GNAQ: variants seen among roughly 807,000 people sequenced by gnomAD.
GNAQ encodes the protein G protein subunit alpha q, also known as guanine nucleotide-binding protein G(q) subunit alpha.
GNAQ carries 8 observed loss-of-function variants against 43.9 expected under a neutral mutation model. The ratio of observed to expected loss-of-function variants is 0.18; its 90% CI spans 0.11 to 0.33. GNAQ has a LOEUF of 0.33. Ranked by LOEUF, GNAQ falls within the 10% of genes least tolerant of loss-of-function variation. GNAQ has a pLI of 1.00. For missense variants in GNAQ, 158 were observed against 450.8 expected, an observed-to-expected ratio of 0.35 and a Z score of 5.88; for synonymous variants, 155 against 170.7, an observed-to-expected ratio of 0.91 and a Z score of 0.71.
intron 2 of GNAQ, among the ~76,000 whole-genome samples, chr9:77,880,259 T>G (rs1274578796): frequency 1.3e-5 from 2 of 152,188 alleles, no homozygotes; most frequent in Non-Finnish European, 2.9e-5. Context: ...GTCTGATTCT[T>G]TAGTGTTTAG....
chr9:77,728,761 T>G (rs1825440338), intron 5 of GNAQ, 94 bp from the exon 6 acceptor site: 1 of 841,292 alleles, frequency 1.2e-6, no homozygotes, highest in South Asian at 1.6e-5. Context: ...CAACCCATCT[T>G]TTGTATACGA....
intron 2 of GNAQ, among the ~76,000 whole-genome samples, chr9:77,891,087 A>C (rs2118108145): frequency 6.6e-6 from 1 of 152,356 alleles, no homozygotes; most frequent in Non-Finnish European, 1.5e-5. Flanking sequence ...CTAATTCATT[A>C]ACATAATATT....
At chr9:77,815,808 A>C (rs1046974194) in intron 2 of GNAQ, 38 bp from the exon 3 acceptor site, 2 of 1,498,654 alleles carry the variant, frequency 1.3e-6, no homozygotes, top group Non-Finnish European at 1.8e-6. Flanking sequence ...ATACCCTATT[A>C]CTTTCCAAAT....
At chr9:77,726,089 G>C (rs1230460460) in intron 6 of GNAQ, among the ~76,000 whole-genome samples, 2 of 152,154 alleles carry the variant, frequency 1.3e-5, no homozygotes, top group African/African-American at 2.4e-5. Flanking sequence ...TATTCAGGTA[G>C]ATGTGTTTGA....
chr9:78,018,978 T>A lies in GNAQ; in HGVS notation c.136+12122A>T, dbSNP rs538861492. 2.6e-5 allele frequency among the ~76,000 whole-genome samples: 4 copies of A among 152,240 alleles called. No homozygotes were observed. In the South Asian group the frequency reaches 8.3e-4, roughly 32 times the overall value. Reference sequence around the variant, plus strand: ...CATCCTCCCACCCGCTGCAGAAGAATCTGTTCTCATAACAAGCATGGCCTA... The same window carrying A: ...CATCCTCCCACCCGCTGCAGAAGAAACTGTTCTCATAACAAGCATGGCCTA... On this transcript the variant is annotated intron_variant, in intron 1 of 6. Coordinates refer to ENST00000286548, the MANE Select transcript of GNAQ (RefSeq NM_002072.5).
chr9:77,895,704 C>T (rs1828489127), intron 2 of GNAQ, among the ~76,000 whole-genome samples: 1 of 152,174 alleles, frequency 6.6e-6, no homozygotes, highest in Admixed American at 6.5e-5. Context: ...ACTCAAATCT[C>T]ATCTTGTAGA....
At chr9:77,861,578 A>C (rs555998943) in intron 2 of GNAQ, among the ~76,000 whole-genome samples, 41 of 152,270 alleles carry the variant, frequency 2.7e-4, no homozygotes, top group African/African-American at 9.9e-4. Flanking sequence ...AGCCATTCCA[A>C]ATGGGAGAAA....
chr9:77,890,458 T>C (rs996708598), intron 2 of GNAQ, among the ~76,000 whole-genome samples: 1 of 152,230 alleles, frequency 6.6e-6, no homozygotes, highest in African/African-American at 2.4e-5. Flanking sequence ...GCACAGTGGC[T>C]CATGCCTGTA....
chr9:77,987,713 G>A (rs1823459595), intron 1 of GNAQ, among the ~76,000 whole-genome samples: 1 of 151,996 alleles, frequency 6.6e-6, no homozygotes, highest in Admixed American at 6.6e-5. Context: ...TCTAGTATTC[G>A]GAAAATAAAT....
At chr9:77,805,625 C>T (rs1037737906) in intron 3 of GNAQ, among the ~76,000 whole-genome samples, 1 of 151,964 alleles carries the variant, frequency 6.6e-6, no homozygotes, top group Non-Finnish European at 1.5e-5. Context: ...AGGCTGGTCT[C>T]GAACTCCTGA....
intron 2 of GNAQ, among the ~76,000 whole-genome samples, chr9:77,850,983 T>C (rs1672328409): frequency 6.6e-6 from 1 of 152,148 alleles, no homozygotes; most frequent in South Asian, 2.1e-4. Flanking sequence ...TTCCCAGCTC[T>C]TACTAAAGTG....
At chr9:77,777,215 T>A (rs1826317565) in intron 5 of GNAQ, among the ~76,000 whole-genome samples, 1 of 152,108 alleles carries the variant, frequency 6.6e-6, no homozygotes, top group African/African-American at 2.4e-5. Flanking sequence ...TCTTATACCA[T>A]ATAAAGATGG....
intron 1 of GNAQ, among the ~76,000 whole-genome samples, chr9:77,930,535 T>C (rs973394248): frequency 3.3e-5 from 5 of 152,204 alleles, no homozygotes; most frequent in Non-Finnish European, 5.9e-5. Flanking sequence ...CCTTTAGTGA[T>C]TTCTTTCATT....
At chr9:77,745,861 A>C (rs1463322620) in intron 5 of GNAQ, among the ~76,000 whole-genome samples, 1 of 152,128 alleles carries the variant, frequency 6.6e-6, no homozygotes, top group Non-Finnish European at 1.5e-5. Context: ...ATGAATACTA[A>C]ATGAGCATTT....
chr9:77,870,286 G>A (rs1261960216), intron 2 of GNAQ, among the ~76,000 whole-genome samples: 1 of 148,904 alleles, frequency 6.7e-6, no homozygotes, highest in Non-Finnish European at 1.5e-5. Context: ...GAAGCAGTTT[G>A]AAACCTCAAG....
intron 2 of GNAQ, among the ~76,000 whole-genome samples, chr9:77,882,228 C>A (rs934095529): frequency 2.0e-5 from 3 of 152,012 alleles, no homozygotes; most frequent in Non-Finnish European, 2.9e-5. Flanking sequence ...ACCAGAAGAC[C>A]CTGCTGATAT....
At chr9:77,845,485 T>C (rs890700994) in intron 2 of GNAQ, among the ~76,000 whole-genome samples, 1 of 152,206 alleles carries the variant, frequency 6.6e-6, no homozygotes, top group Non-Finnish European at 1.5e-5. Flanking sequence ...ACCAGTTCCT[T>C]TGTGGATATT....
chr9:78,030,688 C>T (rs1447420478), intron 1 of GNAQ: 2 of 403,700 alleles, frequency 5.0e-6, no homozygotes, highest in African/African-American at 4.1e-5. Flanking sequence ...CCCCACGCCA[C>T]CACCCCATGG....
chr9:77,864,642 C>A (rs1044188593), intron 2 of GNAQ, among the ~76,000 whole-genome samples: 4 of 152,154 alleles, frequency 2.6e-5, no homozygotes, highest in African/African-American at 9.7e-5. Context: ...AACGGACACT[C>A]CCCTAGAGCC....
Sources: gnomAD v4.1 joint callset for allele counts (sites outside exome capture counted in the v4.1 genomes callset) on GRCh38, gnomAD v4.1.1 for gene constraint, MANE v1.5 for transcripts, NCBI Gene and HGNC (gene_info 2026-07-23, HGNC 2026-07-21) for gene names.